The following CRB1 variants were observed in gnomAD, a reference collection of about 807,000 sequenced individuals.
CRB1 encodes the protein protein crumbs homolog 1.
CRB1 carries 83 observed loss-of-function variants against 120.0 expected under a neutral mutation model. The observed-to-expected ratio is 0.69, with a 90% confidence interval of 0.58 to 0.83. The LOEUF is 0.83. CRB1 is among the 40% of genes least tolerant of loss of function. The pLI is 0.00. For synonymous variants in CRB1, 625 were observed against 612.5 expected (o/e 1.02, Z -0.30); for missense variants, 1,699 against 1,687.6 (o/e 1.01, Z -0.12).
At chr1:197,423,739 T>A (rs1664446498) in intron 6 of CRB1, among the ~76,000 whole-genome samples, 1 of 152,200 alleles carries the variant, frequency 6.6e-6, no homozygotes. Context: ...TTTGGCTCAA[T>A]GTTTTCCAAC....
the CRB1 span, among the ~76,000 whole-genome samples, chr1:197,204,549 CAT>C: frequency 6.6e-6 from 1 of 152,050 alleles, no homozygotes; most frequent in East Asian, 1.9e-4. Flanking sequence ...AGCATTTTTT[CAT>C]ATGTTTGTTG....
upstream of CRB1, among the ~76,000 whole-genome samples, chr1:197,266,330 T>C (rs970404265): frequency 4.6e-5 from 7 of 152,226 alleles, no homozygotes; most frequent in African/African-American, 1.4e-4. Context: ...GTTCCTTCTA[T>C]GTGTCCTCAT....
intron 1 of CRB1, among the ~76,000 whole-genome samples, chr1:197,320,314 C>G (rs966657699): frequency 6.6e-6 from 1 of 152,190 alleles, no homozygotes; most frequent in South Asian, 2.1e-4. Context: ...GCTTTTCCTA[C>G]TCTAACTAAT....
the CRB1 span, among the ~76,000 whole-genome samples, chr1:197,259,883 C>T: frequency 2.0e-5 from 3 of 151,910 alleles, no homozygotes; most frequent in Non-Finnish European, 4.4e-5. Context: ...GGCATGGTGG[C>T]TCATGCCTGC....
the CRB1 span, among the ~76,000 whole-genome samples, chr1:197,218,634 GTAAAAGTCCCTT>G: frequency 8.5e-5 from 13 of 152,264 alleles, no homozygotes; most frequent in African/African-American, 2.9e-4. Context: ...CTGTGTACGT[GTAAAAGTCCCTT>G]GACTGTGGAT....
chr1:197,343,497 C>A (rs959317783), intron 2 of CRB1, among the ~76,000 whole-genome samples: 3 of 151,788 alleles, frequency 2.0e-5, no homozygotes, highest in African/African-American at 7.3e-5. Flanking sequence ...TTTAACATAA[C>A]ATTACCTTAA....
chr1:197,237,677 T>C, the CRB1 span, among the ~76,000 whole-genome samples: 2 of 152,218 alleles, frequency 1.3e-5, no homozygotes, highest in African/African-American at 2.4e-5. Flanking sequence ...TATTCCTTTT[T>C]ATTGTCCATG....
At chr1:197,260,987 G>A in the CRB1 span, among the ~76,000 whole-genome samples, 1,901 of 152,166 alleles carry the variant, frequency 0.012, 40 homozygotes, top group African/African-American at 0.042. Context: ...GAGCCACCGC[G>A]CCCGGCCTCT....
At chr1:197,472,388 A>G (rs1571633573) in intron 11 of CRB1, among the ~76,000 whole-genome samples, 1 of 152,204 alleles carries the variant, frequency 6.6e-6, no homozygotes, top group Non-Finnish European at 1.5e-5. Flanking sequence ...AAACGCAGGC[A>G]TGAGAGAAAG....
chr1:197,249,905 T>C, the CRB1 span, among the ~76,000 whole-genome samples: 1 of 152,012 alleles, frequency 6.6e-6, no homozygotes, highest in African/African-American at 2.4e-5. Flanking sequence ...CTATGTGGTC[T>C]TTCCCCTATG....
rs546692387 is a variant in CRB1, at chr1:197,405,128, C to T, written c.1172-15872C>T. 8.2e-4 allele frequency among the ~76,000 whole-genome samples: 125 copies of T among 152,108 alleles called. 1 individual carries two copies. Among genetic ancestry groups the T allele is most frequent in the Non-Finnish European group, 1.3e-3 (89 of 67,944 alleles). On this transcript the variant is annotated intron_variant, in intron 5 of 11. Coordinates refer to ENST00000367400, the MANE Select transcript of CRB1 (RefSeq NM_201253.3). ...CCACGGTCTCCCTCTGATGCCGAGC[C>T]GAAGCTGGACTGTACTGCTGCCATC...
At chr1:197,216,607 A>C in the CRB1 span, among the ~76,000 whole-genome samples, 1 of 152,208 alleles carries the variant, frequency 6.6e-6, no homozygotes, top group Non-Finnish European at 1.5e-5. Context: ...TTCACTAAAA[A>C]TTAATTATGA....
intron 1 of CRB1, chr1:197,304,297 G>C (rs923178665): frequency 4.1e-6 from 2 of 490,316 alleles, no homozygotes; most frequent in Non-Finnish European, 2.6e-6. Flanking sequence ...TTAGATATTT[G>C]ATTTTCTAAT....
rs1486443618 is a variant in CRB1 at position 197,474,170 on chromosome 1, T to C, written c.4006-3494T>C. On this transcript the variant is annotated intron_variant, in intron 11 of 11. Transcript: ENST00000367400. ...TGTTTGTGTATTTGAGAACTTCCTA[T>C]AGGCTGTGCTTTTTGTATTTTACAT... Among the ~76,000 whole-genome samples the C allele has an allele frequency of 5.3e-5, 8 of 152,214 alleles. 1 individual carries two copies. The highest frequency in any genetic ancestry group is 5.2e-4 in the Admixed American group (8 of 15,276).
chr1:197,379,630 C>T (rs2984786), intron 5 of CRB1, among the ~76,000 whole-genome samples: 52,439 of 131,716 alleles, frequency 0.4, 10,889 homozygotes, highest in African/African-American at 0.6. Context: ...AAAAAAAAAA[C>T]CATTTTTCTA....
At chr1:197,370,064 G>A (rs896107262) in intron 5 of CRB1, among the ~76,000 whole-genome samples, 1 of 151,990 alleles carries the variant, frequency 6.6e-6, no homozygotes, top group Admixed American at 6.6e-5. Context: ...ATAAATGAAG[G>A]AAAGACACAA....
intron 5 of CRB1, among the ~76,000 whole-genome samples, chr1:197,393,060 A>G (rs1472836664): frequency 6.6e-6 from 1 of 152,152 alleles, no homozygotes; most frequent in Non-Finnish European, 1.5e-5. Flanking sequence ...GACTGAGTAT[A>G]TATTTTACAA....
rs540756707 is a variant in CRB1, at chr1:197,316,989, AC to A, written c.71-11431del. On this transcript the variant is annotated intron_variant, in intron 1 of 11. Transcript: ENST00000367400. ...GAGGTGAAAGATCTCTGCAATGAAA[AC>A]CAAAAAACATTGAGGAGAGAAACTG... Among the ~76,000 whole-genome samples, 4 of 152,266 alleles carry A rather than the reference AC, an allele frequency of 2.6e-5. No individual in the cohort carries two copies. In the East Asian group the frequency reaches 7.7e-4, roughly 29 times the overall value.
intron 5 of CRB1, among the ~76,000 whole-genome samples, chr1:197,411,987 G>A (rs1478399488): frequency 6.6e-6 from 1 of 152,136 alleles, no homozygotes; most frequent in Non-Finnish European, 1.5e-5. Context: ...CCTCCCCCTA[G>A]CAGAGCACCC....
Sources: allele counts gnomAD v4.1 joint callset (sites outside exome capture counted in the v4.1 genomes callset), GRCh38; gene constraint gnomAD v4.1.1; transcripts MANE v1.5; gene names NCBI Gene and HGNC (gene_info 2026-07-23, HGNC 2026-07-21).